Variants in TMPRSS15 observed in about 807,000 individuals in gnomAD.
TMPRSS15 encodes the protein enteropeptidase.
Under a neutral mutation model 125.3 loss-of-function variants are expected in TMPRSS15, and 128 were observed. The observed-to-expected ratio is 1.02, with a 90% CI of 0.89 to 1.18. The LOEUF (loss-of-function observed/expected upper bound fraction) is 1.18. Ranked by LOEUF, TMPRSS15 falls within the 50% of genes most tolerant of loss-of-function variation. The pLI is 0.00. For synonymous variants in TMPRSS15, 446 were observed against 423.2 expected, an observed-to-expected ratio of 1.05 and a Z score of -0.66; for missense variants, 1,283 against 1,212.7, an observed-to-expected ratio of 1.06 and a Z score of -0.86.
chr21:18,393,690 T>C (rs1010822696), intron 3 of TMPRSS15, among the ~76,000 whole-genome samples: 2 of 152,212 alleles, frequency 1.3e-5, no homozygotes, highest in Non-Finnish European at 2.9e-5. Context: ...AACAATATTT[T>C]AAATTCCTCA....
chr21:18,303,446 CA>C (rs1300120501), intron 18 of TMPRSS15, among the ~76,000 whole-genome samples: 1 of 152,064 alleles, frequency 6.6e-6, no homozygotes, highest in African/African-American at 2.4e-5. Context: ...CGATTTTATT[CA>C]AAAATTGTTC....
chr21:18,386,401 C>T (rs1294543511), intron 3 of TMPRSS15, among the ~76,000 whole-genome samples: 1 of 152,108 alleles, frequency 6.6e-6, no homozygotes, highest in African/African-American at 2.4e-5. Context: ...AAAGAGGCTA[C>T]AGCACATTTA....
chr21:18,365,985 TA>T (rs1373910513), intron 6 of TMPRSS15, among the ~76,000 whole-genome samples: 2 of 151,984 alleles, frequency 1.3e-5, no homozygotes, highest in East Asian at 3.9e-4. Flanking sequence ...TCTGCACTCC[TA>T]GGACTCCCAA....
intron 1 of TMPRSS15, among the ~76,000 whole-genome samples, chr21:18,472,488 C>G (rs1405154508): frequency 6.8e-6 from 1 of 146,256 alleles, no homozygotes; most frequent in African/African-American, 2.6e-5. Flanking sequence ...TATACACACA[C>G]ACACACATAC....
chr21:18,291,857 G>A (rs2074839580), intron 21 of TMPRSS15, among the ~76,000 whole-genome samples: 1 of 152,140 alleles, frequency 6.6e-6, no homozygotes, highest in South Asian at 2.1e-4. Flanking sequence ...CTTTGCTTGT[G>A]CTTAAGTTGA....
intron 15 of TMPRSS15, 148 bp from the exon 16 acceptor site, chr21:18,326,720 C>A (rs936757357): frequency 2.5e-6 from 2 of 813,402 alleles, no homozygotes; most frequent in Non-Finnish European, 4.0e-6. Context: ...TGAACACACA[C>A]ATTCTCTTAC....
At chr21:18,345,962 T>C (rs1371010259) in intron 10 of TMPRSS15, among the ~76,000 whole-genome samples, 1 of 151,718 alleles carries the variant, frequency 6.6e-6, no homozygotes, top group Non-Finnish European at 1.5e-5. Flanking sequence ...TTCAGTATGA[T>C]CAAAATATGA....
At chr21:18,460,535 T>C (rs1427458651) in intron 1 of TMPRSS15, 1 of 152,200 alleles carries the variant, frequency 6.6e-6, no homozygotes, top group East Asian at 1.9e-4. Context: ...AGTGTTTGTG[T>C]CTGTAGAAAG....
intron 1 of TMPRSS15, among the ~76,000 whole-genome samples, chr21:18,462,195 T>G (rs1252660097): frequency 6.6e-6 from 1 of 152,272 alleles, no homozygotes; most frequent in African/African-American, 2.4e-5. Flanking sequence ...AGTTAATTGG[T>G]CTTTTGAGAA....
chr21:18,367,105 T>A (rs1462469507), intron 6 of TMPRSS15, among the ~76,000 whole-genome samples: 2 of 151,980 alleles, frequency 1.3e-5, no homozygotes, highest in Non-Finnish European at 2.9e-5. Flanking sequence ...TTAAAAACAA[T>A]GGCCTAGGAA....
chr21:18,427,274 T>G (rs537950432), intron 1 of TMPRSS15, among the ~76,000 whole-genome samples: 22 of 152,344 alleles, frequency 1.4e-4, no homozygotes, highest in Admixed American at 3.9e-4. Context: ...AGAGCCCCAG[T>G]TTTTATCAGA....
At chr21:18,414,367 T>C (rs946077142) in intron 1 of TMPRSS15, among the ~76,000 whole-genome samples, 4 of 152,198 alleles carry the variant, frequency 2.6e-5, no homozygotes, top group African/African-American at 9.7e-5. Context: ...TTTTTGAACA[T>C]AACGTGAGCT....
intron 1 of TMPRSS15, among the ~76,000 whole-genome samples, chr21:18,422,737 TTAACAC>T (rs1162692109): frequency 2.0e-5 from 3 of 152,238 alleles, no homozygotes; most frequent in Non-Finnish European, 4.4e-5. Flanking sequence ...AGTCTGGATC[TTAACAC>T]TAAATTCAAT....
intron 6 of TMPRSS15, 40 bp from the exon 7 acceptor site, chr21:18,365,288 T>C (rs1211367458): frequency 4.6e-6 from 7 of 1,517,404 alleles, no homozygotes; most frequent in Non-Finnish European, 6.4e-6. Context: ...AAAAACAATC[T>C]TGGGATTCAA....
Position 18,454,057 on chromosome 21 carries a change from T to A in TMPRSS15, c.10+31742A>T, listed in dbSNP as rs183194631. On this transcript the variant is annotated intron_variant, in intron 1 of 7. Coordinates refer to the TMPRSS15 transcript ENST00000422787. ...GAGATCTAGTTGTCAAAGGACAATA[T>A]GTGAGTATTGGAAATTAAATACTAG... Among the ~76,000 whole-genome samples the A allele has an allele frequency of 2.7e-3, 406 of 152,296 alleles. 2 individuals carry two copies. The highest frequency in any genetic ancestry group is 4.4e-3 in the Non-Finnish European group (297 of 68,024).
chr21:18,388,471 G>A lies in TMPRSS15; in HGVS notation c.345-4693C>T, dbSNP rs560461024. On this transcript the variant is annotated intron_variant, in intron 3 of 24. Transcript: ENST00000284885. ...ATCAAATTTTCCCAACCTAATGTAA[G>A]TGAAGTTATCCAGCATGTTGTAGAC... Among the ~76,000 whole-genome samples the A allele has an allele frequency of 9.2e-5, 14 of 152,232 alleles. No individual in the cohort carries two copies. The South Asian group carries it at 2.3e-3, about 25-fold the overall frequency.
Position 18,315,185 on chromosome 21 carries a change from G to T in TMPRSS15, c.1993C>A (p.His665Asn). The T allele has an allele frequency of 6.2e-7, 1 of 1,613,816 alleles. No individual in the cohort carries two copies. ...CVPLVNLCDG[H>N]LHCEDGSDEA... ...TCTGAGCCATCCTCACAGTGCAGAT[G>T]ACCGTCACAGAGATTCACCAGTGGA... Residue 665 changes from histidine (H) to asparagine (N), a missense_variant, in exon 17 of 25, where the codon CAT becomes AAT. By Grantham distance (68) the His-to-Asn change is moderately conservative. Transcript: ENST00000284885.
rs529203511 is a variant in TMPRSS15 at position 18,375,194 on chromosome 21, C to T, written c.533-2870G>A. On this transcript the variant is annotated intron_variant, in intron 5 of 24. Coordinates refer to ENST00000284885, the MANE Select transcript of TMPRSS15 (RefSeq NM_002772.3). ...GAAAAATATGAATGTGATTCTTATG[C>T]AATGGTAGTGAGTTTTAAAATTTTT... Among the ~76,000 whole-genome samples, 5 of 152,200 alleles carry T rather than the reference C, an allele frequency of 3.3e-5. No homozygotes were observed. In the South Asian group the frequency reaches 1.0e-3, roughly 32 times the overall value.
At chr21:18,455,050 A>G (rs147264503) in intron 1 of TMPRSS15, among the ~76,000 whole-genome samples, 1 of 152,082 alleles carries the variant, frequency 6.6e-6, no homozygotes, top group Non-Finnish European at 1.5e-5. Context: ...CCCTCATGCT[A>G]TTCTTGTGAT....
Sources: gnomAD v4.1 joint callset for allele counts (sites outside exome capture counted in the v4.1 genomes callset) on GRCh38, gnomAD v4.1.1 for gene constraint, MANE v1.5 for transcripts, NCBI Gene and HGNC (gene_info 2026-07-23, HGNC 2026-07-21) for gene names.